Variants in SLC17A6 observed in about 807,000 individuals in gnomAD.
SLC17A6 encodes the protein solute carrier family 17 member 6, also known as vesicular glutamate transporter 2.
A neutral mutation model predicts 67.1 loss-of-function variants in SLC17A6; 35 were observed. That is an observed-to-expected ratio of 0.52 (90% CI 0.40 to 0.69). The LOEUF (loss-of-function observed/expected upper bound fraction) is 0.69, where lower values mean the gene tolerates loss of function less well. Among genes scored for constraint, SLC17A6 ranks in the 30% least tolerant of loss-of-function variants. The pLI, the probability that SLC17A6 is intolerant of heterozygous loss-of-function variation, is 0.00. For missense variants in SLC17A6, 588 were observed against 723.9 expected, an observed-to-expected ratio of 0.81 and a Z score of 2.15; for synonymous variants, 285 against 252.3, an observed-to-expected ratio of 1.13 and a Z score of -1.23.
intron 8 of SLC17A6, among the ~76,000 whole-genome samples, chr11:22,372,897 G>C (rs1437298253): frequency 1.3e-5 from 2 of 152,096 alleles, no homozygotes; most frequent in Non-Finnish European, 2.9e-5. Context: ...CCACTGAATA[G>C]CTCAAAAACT....
intron 3 of SLC17A6, among the ~76,000 whole-genome samples, chr11:22,349,578 G>T (rs1409616972): frequency 2.0e-5 from 3 of 152,152 alleles, no homozygotes; most frequent in Non-Finnish European, 2.9e-5. Flanking sequence ...GCAGCATTCT[G>T]CTACTGCAGT....
intron 2 of SLC17A6, among the ~76,000 whole-genome samples, chr11:22,342,522 G>A (rs907019689): frequency 1.3e-5 from 2 of 152,282 alleles, no homozygotes; most frequent in African/African-American, 4.8e-5. Flanking sequence ...CGGGAAAAGC[G>A]CGCTCCCACC....
At chr11:22,346,120 T>C (rs371675930) in intron 3 of SLC17A6, among the ~76,000 whole-genome samples, 1 of 152,272 alleles carries the variant, frequency 6.6e-6, no homozygotes, top group East Asian at 1.9e-4. Context: ...GAGATTTCCT[T>C]TGCATGTGAT....
chr11:22,370,282 CAG>C, intron 8 of SLC17A6, 94 bp downstream of exon 8: 1 of 1,018,734 alleles, frequency 9.8e-7, no homozygotes, highest in Non-Finnish European at 1.4e-6. Context: ...TTCTAATTTT[CAG>C]AGATTATTCA....
rs186604097 is a variant in SLC17A6, at chr11:22,359,845, T to C, written c.573+318T>C. On this transcript the variant is annotated intron_variant, in intron 4 of 11. Transcript: ENST00000263160. The stretch of plus-strand genomic sequence containing the variant: ...GACAAGAATTTTAGAGTTTGTCCTT[T>C]GCTGGTGATAACCATGAATTAGTAT... 9.2e-5 allele frequency among the ~76,000 whole-genome samples: 14 copies of C among 152,268 alleles called. No homozygotes were observed. In the East Asian group the frequency reaches 2.3e-3, roughly 25 times the overall value.
chr11:22,377,611 C>T lies in SLC17A6; in HGVS notation c.1620C>T (p.Thr540=), dbSNP rs889763400. The T allele has an allele frequency of 1.9e-6, 3 of 1,614,048 alleles. No individual in the cohort carries two copies. Among genetic ancestry groups the T allele is most frequent in the Non-Finnish European group, 2.5e-6 (3 of 1,179,986 alleles). ...CTCAAAATTATATAAATTATGGTAC[C>T]ACCAAGTCTTATGGTGCCACAACAC... ...DITQNYINYG[T]TKSYGATTQA... The change falls in exon 12 of 12, where the codon ACC becomes ACT. Residue 540 remains threonine, a synonymous_variant. Transcript: ENST00000263160.
At position 22,345,421 on chromosome 11, in the gene SLC17A6, C is replaced by A. The variant is rs4526773; in HGVS notation, c.458+2056C>A. Among the ~76,000 whole-genome samples, 3,330 of 151,744 alleles carry A rather than the reference C, an allele frequency of 0.022. 265 individuals carry two copies. The East Asian group carries it at 0.29, about 13-fold the overall frequency. On this transcript the variant is annotated intron_variant, in intron 3 of 11. Transcript: ENST00000263160. The stretch of plus-strand genomic sequence containing the variant: ...CCACCTCCTGGGTTCAAGTGATTCT[C>A]CTGCCTCAGCCTCCCGAGTAGTGGG...
intron 3 of SLC17A6, among the ~76,000 whole-genome samples, chr11:22,353,563 G>A (rs984923782): frequency 6.6e-6 from 1 of 152,302 alleles, no homozygotes; most frequent in African/African-American, 2.4e-5. Flanking sequence ...AACTAATACT[G>A]TATCATGCTA....
intron 2 of SLC17A6, 42 bp downstream of exon 2, chr11:22,341,822 T>A: frequency 6.2e-7 from 1 of 1,602,666 alleles, no homozygotes; most frequent in Non-Finnish European, 8.5e-7. Context: ...CCTTCGGCCA[T>A]GCGGCCTCGC....
chr11:22,370,969 T>G (rs546945673), intron 8 of SLC17A6, among the ~76,000 whole-genome samples: 3 of 152,272 alleles, frequency 2.0e-5, no homozygotes, highest in African/African-American at 7.2e-5. Context: ...GAACAACCTT[T>G]GTTGTTTGAC....
chr11:22,354,177 G>A (rs7927555), intron 3 of SLC17A6, among the ~76,000 whole-genome samples: 19,108 of 151,630 alleles, frequency 0.13, 1,280 homozygotes, highest in African/African-American at 0.16. Flanking sequence ...TCTGCCTCCC[G>A]GGTTCAAGTG....
intron 10 of SLC17A6, 88 bp downstream of exon 10, chr11:22,376,180 T>A (rs1856230795): frequency 6.8e-6 from 5 of 739,850 alleles, no homozygotes; most frequent in African/African-American, 1.8e-5. Flanking sequence ...TTTATAGATA[T>A]CTTCATATAT....
At position 22,370,211 on chromosome 11, in the gene SLC17A6, T is replaced by C. The variant is rs761781784; in HGVS notation, c.1041+23T>C. ...AAGGTATGTAAAATGTATTCTTATA[T>C]AAATTGTGGATTACCTGTGTATTTA... is the stretch of plus-strand genomic sequence containing the variant. On this transcript the variant is annotated intron_variant, in intron 8 of 11. Coordinates refer to ENST00000263160, the MANE Select transcript of SLC17A6 (RefSeq NM_020346.3). 2.5e-6 allele frequency: 4 copies of C among 1,574,606 alleles called. No homozygotes were observed. In the South Asian group the frequency reaches 3.6e-5, roughly 14 times the overall value.
chr11:22,368,680 G>A (rs1856140037), intron 7 of SLC17A6, among the ~76,000 whole-genome samples: 1 of 151,958 alleles, frequency 6.6e-6, no homozygotes, highest in Non-Finnish European at 1.5e-5. Context: ...CATTTCTTAT[G>A]CTAACATAAT....
chr11:22,344,751 C>T lies in SLC17A6; in HGVS notation c.458+1386C>T, dbSNP rs138095743. 6.0e-3 allele frequency among the ~76,000 whole-genome samples: 907 copies of T among 152,196 alleles called. 4 individuals carry two copies. Among genetic ancestry groups the T allele is most frequent in the South Asian group, 0.016 (76 of 4,814 alleles). On this transcript the variant is annotated intron_variant, in intron 3 of 11. Transcript: ENST00000263160. ...GAAACTCATTAACTATGTAGAGAACCCCTTTTTATGGATGTGGTAAATCAA... is the reference window on the plus strand; with the variant it reads ...GAAACTCATTAACTATGTAGAGAACTCCTTTTTATGGATGTGGTAAATCAA...
intron 3 of SLC17A6, among the ~76,000 whole-genome samples, chr11:22,350,869 G>A (rs1855930022): frequency 6.6e-6 from 1 of 152,046 alleles, no homozygotes; most frequent in African/African-American, 2.4e-5. Context: ...TTCTGAGAAA[G>A]CCATGTTTTA....
At chr11:22,346,672 T>A (rs1226759907) in intron 3 of SLC17A6, among the ~76,000 whole-genome samples, 1 of 151,950 alleles carries the variant, frequency 6.6e-6, no homozygotes, top group Non-Finnish European at 1.5e-5. Flanking sequence ...AAATTATTTT[T>A]GTCTTTAAAT....
At chr11:22,356,758 C>G (rs890824198) in intron 3 of SLC17A6, among the ~76,000 whole-genome samples, 3 of 152,180 alleles carry the variant, frequency 2.0e-5, no homozygotes, top group African/African-American at 2.4e-5. Context: ...ATTGCTTGAA[C>G]CCAGGAGGCA....
intron 5 of SLC17A6, 107 bp downstream of exon 5, chr11:22,361,091 A>T: frequency 1.2e-6 from 1 of 802,694 alleles, no homozygotes; most frequent in Non-Finnish European, 2.0e-6. Flanking sequence ...TGGGTTTTGT[A>T]TGAACATCTG....
Sources: allele counts gnomAD v4.1 joint callset (sites outside exome capture counted in the v4.1 genomes callset), GRCh38; gene constraint gnomAD v4.1.1; transcripts MANE v1.5; gene names NCBI Gene and HGNC (gene_info 2026-07-23, HGNC 2026-07-21).